Variants in NKAIN2 observed in about 807,000 individuals in gnomAD.
NKAIN2 encodes sodium/potassium-transporting ATPase subunit beta-1-interacting protein 2.
Under a neutral mutation model 32.6 loss-of-function variants are expected in NKAIN2, and 14 were observed. That is an observed-to-expected ratio of 0.43 (90% CI 0.28 to 0.67). The LOEUF (loss-of-function observed/expected upper bound fraction) is 0.67. NKAIN2 is among the 30% of genes least tolerant of loss of function. The pLI is 0.17. For missense variants in NKAIN2, 198 were observed against 258.3 expected (o/e 0.77, Z 1.60); for synonymous variants, 80 against 87.2 (o/e 0.92, Z 0.46).
At chr6:124,238,695 G>A (rs1792911991) in intron 1 of NKAIN2, among the ~76,000 whole-genome samples, 1 of 152,102 alleles carries the variant, frequency 6.6e-6, no homozygotes, top group African/African-American at 2.4e-5. Context: ...ATAAGCAAAG[G>A]AGAAATAAAA....
chr6:124,411,433 ACTTATGAAG>A (rs796874991), intron 3 of NKAIN2, among the ~76,000 whole-genome samples: 2 of 152,058 alleles, frequency 1.3e-5, no homozygotes, highest in South Asian at 2.1e-4. Context: ...TTTCTCCTTC[ACTTATGAAG>A]CTTAGTTTGG....
intron 1 of NKAIN2, among the ~76,000 whole-genome samples, chr6:123,931,483 G>A (rs1776251530): frequency 6.6e-6 from 1 of 151,978 alleles, no homozygotes; most frequent in South Asian, 2.1e-4. Flanking sequence ...GTTAACAGTG[G>A]AACTGTAAGT....
At chr6:124,281,068 C>T (rs573481631) in intron 1 of NKAIN2, among the ~76,000 whole-genome samples, 5 of 152,174 alleles carry the variant, frequency 3.3e-5, no homozygotes, top group African/African-American at 9.6e-5. Flanking sequence ...AATAGGACTG[C>T]TATTTTCTTT....
rs551909902 is a variant in NKAIN2, at chr6:124,624,430, G to A, written c.274-33756G>A. ...CTTCTGAGACCCTTTGTGGCTTTAA[G>A]GCCCTAAGGATTACACCAATTAAAG... On this transcript the variant is annotated intron_variant, in intron 3 of 6. Transcript: ENST00000368417. Among the ~76,000 whole-genome samples the A allele has an allele frequency of 6.6e-5, 10 of 152,238 alleles. No individual in the cohort carries two copies. The South Asian group carries it at 1.9e-3, about 28-fold the overall frequency.
chr6:124,326,690 GA>G (rs1291462545), intron 2 of NKAIN2, among the ~76,000 whole-genome samples: 81 of 152,096 alleles, frequency 5.3e-4, no homozygotes, highest in Non-Finnish European at 2.9e-5. Flanking sequence ...TATACTTCTA[GA>G]TAGTTCTGAG....
intron 1 of NKAIN2, among the ~76,000 whole-genome samples, chr6:123,943,838 A>G (rs181527742): frequency 9.9e-5 from 15 of 152,194 alleles, no homozygotes; most frequent in Admixed American, 5.9e-4. Context: ...CTTTAGTTTA[A>G]TAATACCATT....
chr6:124,059,488 A>G (rs1004825624), intron 1 of NKAIN2, among the ~76,000 whole-genome samples: 1 of 152,014 alleles, frequency 6.6e-6, no homozygotes, highest in East Asian at 1.9e-4. Flanking sequence ...CCATTATCCC[A>G]TCTTATTATC....
At chr6:124,199,250 A>T (rs894640564) in intron 1 of NKAIN2, among the ~76,000 whole-genome samples, 1 of 152,210 alleles carries the variant, frequency 6.6e-6, no homozygotes, top group Non-Finnish European at 1.5e-5. Flanking sequence ...AGAAGGAAGT[A>T]GAAGAAAAAT....
chr6:124,647,560 G>A (rs914002113), intron 3 of NKAIN2, among the ~76,000 whole-genome samples: 2 of 147,462 alleles, frequency 1.4e-5, no homozygotes, highest in East Asian at 2.0e-4. Flanking sequence ...ATGAAACTGG[G>A]TGGTGGGTAT....
intron 1 of NKAIN2, among the ~76,000 whole-genome samples, chr6:123,965,684 C>T (rs1184489791): frequency 1.3e-5 from 2 of 152,138 alleles, no homozygotes; most frequent in East Asian, 3.9e-4. Context: ...GGAATTATCC[C>T]CTTATCCCTA....
chr6:124,584,628 G>T (rs1781643033), intron 3 of NKAIN2, among the ~76,000 whole-genome samples: 1 of 149,634 alleles, frequency 6.7e-6, no homozygotes, highest in African/African-American at 2.5e-5. Flanking sequence ...ACTCCAGCCT[G>T]GGCAACAAGA....
intron 1 of NKAIN2, among the ~76,000 whole-genome samples, chr6:123,808,022 T>C (rs1773293108): frequency 6.6e-6 from 1 of 152,162 alleles, no homozygotes; most frequent in Admixed American, 6.5e-5. Flanking sequence ...TAAGATGTTG[T>C]GAGTGTAGAC....
chr6:123,881,021 CA>C (rs1203408221), intron 1 of NKAIN2, among the ~76,000 whole-genome samples: 1 of 152,108 alleles, frequency 6.6e-6, no homozygotes, highest in Non-Finnish European at 1.5e-5. Flanking sequence ...ACAGGAACCA[CA>C]AATGGTGTAC....
chr6:124,399,322 G>T (rs1462531912), intron 3 of NKAIN2, among the ~76,000 whole-genome samples: 1 of 152,120 alleles, frequency 6.6e-6, no homozygotes, highest in Non-Finnish European at 1.5e-5. Flanking sequence ...GGATGGGTTT[G>T]GTTCACCTAG....
At chr6:124,080,689 A>T (rs995585673) in intron 1 of NKAIN2, among the ~76,000 whole-genome samples, 11 of 152,086 alleles carry the variant, frequency 7.2e-5, no homozygotes, top group African/African-American at 2.7e-4. Context: ...GCCCTCCCTG[A>T]TTGAATCTAG....
At chr6:123,948,593 T>C (rs1239590695) in intron 1 of NKAIN2, among the ~76,000 whole-genome samples, 1 of 139,746 alleles carries the variant, frequency 7.2e-6, no homozygotes, top group African/African-American at 2.7e-5. Context: ...CCATCTTAAA[T>C]GGGATTTTTT....
chr6:123,880,776 A>T (rs1773416502), intron 1 of NKAIN2, among the ~76,000 whole-genome samples: 2 of 152,170 alleles, frequency 1.3e-5, no homozygotes, highest in Non-Finnish European at 2.9e-5. Flanking sequence ...AATGGTTTTC[A>T]GACCGTATAA....
At chr6:124,565,095 G>A (rs534845584) in intron 3 of NKAIN2, among the ~76,000 whole-genome samples, 11 of 152,224 alleles carry the variant, frequency 7.2e-5, no homozygotes, top group African/African-American at 2.2e-4. Flanking sequence ...GGGAGGTGGC[G>A]GTGAGGGGAA....
chr6:124,195,943 T>G (rs528719634), intron 1 of NKAIN2, among the ~76,000 whole-genome samples: 1 of 152,098 alleles, frequency 6.6e-6, no homozygotes, highest in Non-Finnish European at 1.5e-5. Flanking sequence ...AACACTGATA[T>G]TAGCCCAATT....
Sources: allele counts gnomAD v4.1 joint callset (sites outside exome capture counted in the v4.1 genomes callset), GRCh38; gene constraint gnomAD v4.1.1; transcripts MANE v1.5; gene names NCBI Gene and HGNC (gene_info 2026-07-23, HGNC 2026-07-21).